The following NINL variants were observed in gnomAD, a reference collection of about 807,000 sequenced individuals.
The protein encoded by NINL is ninein-like protein.
Under a neutral mutation model 160.3 loss-of-function variants are expected in NINL, and 153 were observed. The observed-to-expected ratio is 0.95, with a 90% confidence interval of 0.84 to 1.09. The LOEUF (loss-of-function observed/expected upper bound fraction) is 1.09. NINL is among the 50% of genes least tolerant of loss of function. The pLI is 0.00. For synonymous variants in NINL, 800 were observed against 734.8 expected (o/e 1.09, Z -1.43); for missense variants, 1,829 against 1,764.0 (o/e 1.04, Z -0.66).
At position 25,510,667 on chromosome 20, in the gene NINL, G is replaced by A; in HGVS notation, c.517+7C>T. On this transcript the variant is annotated splice_region_variant and intron_variant, in intron 5 of 23. Transcript: ENST00000278886. Reference sequence around the variant, plus strand: ...AGAGAGCACTGAATGCGAGGCTGAGGCTTTACCTTGTGCTTCAAATAATTC... The same window carrying A: ...AGAGAGCACTGAATGCGAGGCTGAGACTTTACCTTGTGCTTCAAATAATTC... 6.2e-7 allele frequency: 1 copy of A among 1,613,296 alleles called. No individual in the cohort carries two copies. Among genetic ancestry groups the A allele is most frequent in the Non-Finnish European group, 8.5e-7 (1 of 1,179,582 alleles).
chr20:25,551,081 A>G (rs1044813799), intron 1 of NINL, among the ~76,000 whole-genome samples: 2 of 152,222 alleles, frequency 1.3e-5, no homozygotes, highest in African/African-American at 4.8e-5. Flanking sequence ...GAGAATGGCA[A>G]TGACTTTTAC....
chr20:25,561,834 C>T (rs534274022), intron 1 of NINL, among the ~76,000 whole-genome samples: 5 of 151,986 alleles, frequency 3.3e-5, no homozygotes, highest in African/African-American at 4.8e-5. Context: ...CCCCTCCGCC[C>T]GGCTGCCACC....
intron 10 of NINL, among the ~76,000 whole-genome samples, chr20:25,493,446 G>T (rs1302011183): frequency 1.3e-5 from 2 of 152,166 alleles, no homozygotes; most frequent in African/African-American, 4.8e-5. Context: ...GAGCCGTCAG[G>T]AGAAAGGAGG....
At chr20:25,505,794 T>A (rs2063951396) in intron 5 of NINL, among the ~76,000 whole-genome samples, 1 of 152,170 alleles carries the variant, frequency 6.6e-6, no homozygotes, top group Non-Finnish European at 1.5e-5. Flanking sequence ...AAAGGGGAGC[T>A]GCAAAGCACC....
chr20:25,521,671 T>C (rs2064265938), intron 2 of NINL, among the ~76,000 whole-genome samples: 1 of 152,218 alleles, frequency 6.6e-6, no homozygotes, highest in South Asian at 2.1e-4. Context: ...CAAAGCAGTA[T>C]AATGACTGAC....
chr20:25,461,684 T>C, intron 20 of NINL, 49 bp from the exon 21 acceptor site: 1 of 1,244,044 alleles, frequency 8.0e-7, no homozygotes, highest in Non-Finnish European at 1.2e-6. Context: ...CTGAAGAGTC[T>C]GGTATGTAAT....
chr20:25,526,327 C>T (rs780587761), intron 2 of NINL, 81 bp downstream of exon 2: 77 of 1,248,486 alleles, frequency 6.2e-5, no homozygotes, highest in Non-Finnish European at 8.0e-5. Context: ...AATCCTTATT[C>T]AGCTGATATT....
At chr20:25,466,500 G>A (rs1328676139) in intron 19 of NINL, among the ~76,000 whole-genome samples, 2 of 152,036 alleles carry the variant, frequency 1.3e-5, no homozygotes, top group Non-Finnish European at 2.9e-5. Context: ...AGTTTTTCAT[G>A]GTAAAATTTT....
At chr20:25,496,493 G>C (rs2063755552) in intron 10 of NINL, among the ~76,000 whole-genome samples, 170 bp downstream of exon 10, 1 of 152,218 alleles carries the variant, frequency 6.6e-6, no homozygotes, top group African/African-American at 2.4e-5. Context: ...GGGCTCTGCT[G>C]CTTTCTCAAG....
intron 6 of NINL, among the ~76,000 whole-genome samples, chr20:25,504,381 G>C (rs932158629): frequency 4.6e-5 from 7 of 152,242 alleles, no homozygotes; most frequent in African/African-American, 9.6e-5. Flanking sequence ...TTCAGTGTCT[G>C]CTGGGGCTGG....
Position 25,473,073 on chromosome 20 carries a change from C to T in NINL, c.3248+2970G>A, listed in dbSNP as rs1012836196. On this transcript the variant is annotated intron_variant, in intron 17 of 23. Transcript: ENST00000278886. ...AACTACAGCAACAACACAGATCAAT[C>T]GCACAACCAGGTTGAGCCAAGAAAG... Among the ~76,000 whole-genome samples, 5 of 152,234 alleles carry T rather than the reference C, an allele frequency of 3.3e-5. No homozygotes were observed. The South Asian group carries it at 8.3e-4, about 25-fold the overall frequency.
rs1376125319 is a variant in NINL at position 25,476,564 on chromosome 20, C to T, written c.2727G>A (p.Met909Ile). Residue 909 changes from methionine (M) to isoleucine (I), a missense_variant, in exon 17 of 24, where the codon ATG becomes ATA. By Grantham distance (10) the Met-to-Ile change is conservative (BLOSUM62 1). Coordinates refer to ENST00000278886, the MANE Select transcript of NINL (RefSeq NM_025176.6). ...TATCCCCATCCACTCCACAGGGCTGCATGCGTGACCACCTCTCTGAGGGGC... is the reference window on the plus strand; with the variant it reads ...TATCCCCATCCACTCCACAGGGCTGTATGCGTGACCACCTCTCTGAGGGGC... ...SHGPSERWSR[M>I]QPCGVDGDIV... 1 of 1,599,644 alleles carries T rather than the reference C, an allele frequency of 6.3e-7. No homozygotes were observed. The highest frequency in any genetic ancestry group is 2.2e-5 in the East Asian group (1 of 44,868).
intron 11 of NINL, among the ~76,000 whole-genome samples, chr20:25,490,492 G>C (rs921729167): frequency 6.6e-6 from 1 of 151,660 alleles, no homozygotes; most frequent in African/African-American, 2.4e-5. Flanking sequence ...CCTGGGAGGC[G>C]GGGCTTGCAG....
At position 25,476,879 on chromosome 20, in the gene NINL, G is replaced by A. The variant is rs769581896; in HGVS notation, c.2412C>T (p.Leu804=). Residue 804 remains leucine (L), a synonymous_variant, in exon 17 of 24, where the codon CTC becomes CTT. Coordinates refer to ENST00000278886, the MANE Select transcript of NINL (RefSeq NM_025176.6). ...GGGCAAGCTCCAACTCCTCCTCCTC[G>A]AGGGCCAACGATACGCACATCTGGG... The part of the protein sequence containing the change: ...KRAQMCVSLA[L]EEEELELARG... 7.4e-6 allele frequency: 12 copies of A among 1,613,312 alleles called. No individual in the cohort carries two copies. The highest frequency in any genetic ancestry group is 3.3e-5 in the Admixed American group (2 of 60,010).
At chr20:25,455,852 G>A in intron 22 of NINL, 66 bp from the exon 23 acceptor site, 7 of 1,337,586 alleles carry the variant, frequency 5.2e-6, no homozygotes, top group Non-Finnish European at 5.4e-6. Flanking sequence ...CAGCACTTTG[G>A]GAGGCCGAGG....
chr20:25,490,361 C>T (rs933931705), intron 11 of NINL, among the ~76,000 whole-genome samples: 1 of 152,134 alleles, frequency 6.6e-6, no homozygotes, highest in African/African-American at 2.4e-5. Context: ...GAGATCAAGA[C>T]CATCCTGGCT....
At chr20:25,477,192 G>C (rs1434862195) in intron 16 of NINL, 103 bp from the exon 17 acceptor site, 2 of 1,140,352 alleles carry the variant, frequency 1.8e-6, no homozygotes, top group Admixed American at 5.6e-5. Flanking sequence ...CCTCCTCTCT[G>C]TGGTTGGCTT....
chr20:25,499,006 G>A (rs1333179250), intron 8 of NINL: 10 of 985,336 alleles, frequency 1.0e-5, no homozygotes, highest in East Asian at 1.1e-4. Flanking sequence ...TGCTTTTTCC[G>A]CCTTGGGTAT....
At chr20:25,538,424 T>G (rs184778227) in intron 1 of NINL, among the ~76,000 whole-genome samples, 29 of 152,282 alleles carry the variant, frequency 1.9e-4, no homozygotes, top group African/African-American at 6.7e-4. Flanking sequence ...CAACATAAAT[T>G]ACACCCACAT....
Sources: allele counts gnomAD v4.1 joint callset (sites outside exome capture counted in the v4.1 genomes callset), GRCh38; gene constraint gnomAD v4.1.1; transcripts MANE v1.5; gene names NCBI Gene and HGNC (gene_info 2026-07-23, HGNC 2026-07-21).